Variants in PDE1C observed in about 807,000 individuals in gnomAD.
PDE1C encodes the protein dual specificity calcium/calmodulin-dependent 3',5'-cyclic nucleotide phosphodiesterase 1C.
In PDE1C, 62 loss-of-function variants were observed where a neutral mutation model predicts 93.1. That is an observed-to-expected ratio of 0.67 (90% CI 0.54 to 0.82). The LOEUF (loss-of-function observed/expected upper bound fraction) is 0.82, where lower values mean the gene tolerates loss of function less well. Among genes scored for constraint, PDE1C ranks in the 40% least tolerant of loss-of-function variants. The probability of loss-of-function intolerance (pLI) is 0.00; values close to 1 mark genes in which losing one functional copy is unlikely to be tolerated. For missense variants in PDE1C, 742 were observed against 884.6 expected (o/e 0.84, Z 2.04); for synonymous variants, 325 against 310.1 (o/e 1.05, Z -0.50).
At chr7:32,332,084 G>A (rs1783526828) in intron 1 of PDE1C, among the ~76,000 whole-genome samples, 3 of 152,174 alleles carry the variant, frequency 2.0e-5, no homozygotes, top group South Asian at 4.2e-4. Flanking sequence ...TTGAAAGAGT[G>A]AAGATGAAAA....
intron 3 of PDE1C, among the ~76,000 whole-genome samples, chr7:32,127,472 T>C (rs2128768594): frequency 6.6e-6 from 1 of 151,742 alleles, no homozygotes; most frequent in South Asian, 2.1e-4. Context: ...GAAACAAGAG[T>C]TACAACCAAA....
rs368984167 is a variant in PDE1C, at chr7:32,024,229, AAC to A, written c.128+27323_128+27324del. On this transcript the variant is annotated intron_variant, in intron 2 of 17. Transcript: ENST00000396191. Reference sequence around the variant, plus strand: ...GGAGGAAACAGGGAGGAAGGTGTATAACCATCCCTGGTCAATCTAAAATTGAT... The same window carrying A: ...GGAGGAAACAGGGAGGAAGGTGTATACATCCCTGGTCAATCTAAAATTGAT... 1.4e-3 allele frequency among the ~76,000 whole-genome samples: 209 copies of A among 152,106 alleles called. 1 individual carries two copies. The highest frequency in any genetic ancestry group is 4.7e-3 in the African/African-American group (195 of 41,548).
At chr7:31,941,430 T>G (rs1805829531) in intron 2 of PDE1C, 1 of 159,338 alleles carries the variant, frequency 6.3e-6, no homozygotes, top group Non-Finnish European at 1.4e-5. Flanking sequence ...GCCACAGAAG[T>G]TTCTGTGGAC....
intron 2 of PDE1C, among the ~76,000 whole-genome samples, chr7:32,184,971 C>T (rs575841497): frequency 2.6e-5 from 4 of 151,958 alleles, no homozygotes; most frequent in East Asian, 1.9e-4. Flanking sequence ...ATTAGCTGGG[C>T]GTAGTGGCGC....
intron 1 of PDE1C, among the ~76,000 whole-genome samples, chr7:32,309,793 A>C (rs1426535569): frequency 6.6e-6 from 1 of 152,220 alleles, no homozygotes; most frequent in Admixed American, 6.5e-5. Context: ...CACTGAAAAA[A>C]CATGCCAAAA....
chr7:31,981,742 T>C (rs929479743), intron 2 of PDE1C, among the ~76,000 whole-genome samples: 22 of 152,348 alleles, frequency 1.4e-4, no homozygotes, highest in Admixed American at 1.4e-3. Context: ...TATAGTTGTA[T>C]GTGTCAACAC....
intron 1 of PDE1C, among the ~76,000 whole-genome samples, chr7:32,416,918 C>T (rs1411784029): frequency 1.3e-5 from 2 of 152,084 alleles, no homozygotes; most frequent in African/African-American, 2.4e-5. Context: ...TGGGAGAGAT[C>T]GAGGGGCAAC....
At chr7:32,311,378 G>A (rs1783036479) in intron 1 of PDE1C, among the ~76,000 whole-genome samples, 4 of 152,318 alleles carry the variant, frequency 2.6e-5, no homozygotes, top group South Asian at 4.1e-4. Flanking sequence ...AACAGAAAAC[G>A]AGGGAATCCT....
At chr7:32,124,863 T>C (rs1367675500) in intron 3 of PDE1C, among the ~76,000 whole-genome samples, 1 of 152,158 alleles carries the variant, frequency 6.6e-6, no homozygotes, top group Non-Finnish European at 1.5e-5. Flanking sequence ...AGAGCTAAAA[T>C]TGACAAACGC....
rs149886527 is a variant in PDE1C, at chr7:31,890,475, C to T, written c.129-9615G>A. Among the ~76,000 whole-genome samples, 201 of 152,284 alleles carry T rather than the reference C, an allele frequency of 1.3e-3. 2 individuals are homozygous for T. Among genetic ancestry groups the T allele is most frequent in the African/African-American group, 4.6e-3 (193 of 41,560 alleles). On this transcript the variant is annotated intron_variant, in intron 2 of 17. Transcript: ENST00000396191. ...ACCCATGCCTAGACACGTCAAGACA[C>T]ATCTTTCCATGTCTTCATAGTCAAC...
chr7:32,383,139 A>G (rs1208184667), intron 1 of PDE1C, among the ~76,000 whole-genome samples: 4 of 152,376 alleles, frequency 2.6e-5, no homozygotes, highest in South Asian at 2.1e-4. Context: ...TGAACAGATA[A>G]TCACGCTCAA....
chr7:32,150,714 G>A (rs546197572), intron 3 of PDE1C, among the ~76,000 whole-genome samples: 52 of 152,240 alleles, frequency 3.4e-4, no homozygotes, highest in Admixed American at 1.4e-3. Context: ...AAAGCACTTC[G>A]AATAGGACCA....
intron 1 of PDE1C, among the ~76,000 whole-genome samples, chr7:32,260,711 A>C (rs1164861375): frequency 6.6e-6 from 1 of 152,270 alleles, no homozygotes; most frequent in African/African-American, 2.4e-5. Flanking sequence ...AACTTTGGGA[A>C]GGAATTCAGT....
the PDE1C span, among the ~76,000 whole-genome samples, chr7:31,633,299 A>G: frequency 6.6e-6 from 1 of 151,938 alleles, no homozygotes; most frequent in East Asian, 1.9e-4. Context: ...TATGACCGAC[A>G]AATGTAAAAT....
intron 1 of PDE1C, among the ~76,000 whole-genome samples, chr7:32,052,152 C>CA (rs1181859087): frequency 6.6e-6 from 1 of 151,728 alleles, no homozygotes; most frequent in Non-Finnish European, 1.5e-5. Context: ...ATAAGGTCTT[C>CA]AAAAAAAGAA....
intron 1 of PDE1C, among the ~76,000 whole-genome samples, chr7:32,378,101 T>C (rs1562697974): frequency 1.3e-5 from 2 of 152,196 alleles, no homozygotes; most frequent in Admixed American, 6.5e-5. Context: ...TGTGGCATTG[T>C]GTTCTAACAG....
At chr7:31,982,622 C>A (rs1812540128) in intron 2 of PDE1C, among the ~76,000 whole-genome samples, 1 of 151,364 alleles carries the variant, frequency 6.6e-6, no homozygotes. Context: ...CAAGCCAAAA[C>A]CAATAGGTTT....
intron 1 of PDE1C, among the ~76,000 whole-genome samples, chr7:32,398,581 G>A (rs1384361746): frequency 2.6e-5 from 4 of 151,804 alleles, no homozygotes; most frequent in Non-Finnish European, 5.9e-5. Flanking sequence ...TAGAGATGGG[G>A]TTTCACCATA....
intron 3 of PDE1C, among the ~76,000 whole-genome samples, chr7:32,114,746 A>G (rs1281630602): frequency 6.6e-6 from 1 of 152,206 alleles, no homozygotes; most frequent in African/African-American, 2.4e-5. Flanking sequence ...AGAATCTACA[A>G]GGAAGTTAAA....
Sources: gnomAD v4.1 joint callset for allele counts (sites outside exome capture counted in the v4.1 genomes callset) on GRCh38, gnomAD v4.1.1 for gene constraint, MANE v1.5 for transcripts, NCBI Gene and HGNC (gene_info 2026-07-23, HGNC 2026-07-21) for gene names.